The following SLC7A8 variants were observed in gnomAD, a reference collection of about 807,000 sequenced individuals.
SLC7A8 encodes the protein large neutral amino acids transporter small subunit 2.
A neutral mutation model predicts 51.2 loss-of-function variants in SLC7A8; 30 were observed. The observed-to-expected ratio is 0.59, with a 90% CI of 0.44 to 0.80. The LOEUF is 0.80. Among genes scored for constraint, SLC7A8 ranks in the 30% least tolerant of loss-of-function variants. The probability of loss-of-function intolerance (pLI) is 0.00; values close to 1 mark genes in which losing one functional copy is unlikely to be tolerated. For missense variants in SLC7A8, 612 were observed against 674.4 expected, an observed-to-expected ratio of 0.91 and a Z score of 1.03; for synonymous variants, 257 against 275.8, an observed-to-expected ratio of 0.93 and a Z score of 0.67.
chr14:23,153,586 A>G (rs1449502756), intron 3 of SLC7A8, among the ~76,000 whole-genome samples: 1 of 152,224 alleles, frequency 6.6e-6, no homozygotes, highest in African/African-American at 2.4e-5. Context: ...CAAAAGGGGA[A>G]GACTTTCACA....
chr14:23,161,914 G>A lies in SLC7A8; in HGVS notation c.508+3371C>T, dbSNP rs565245251. Reference sequence around the variant, plus strand: ...TACACTCCAGCCTGGGTGACAGAGTGAGACTCCATCTAAAAAAAAAAAAAA... The same window carrying A: ...TACACTCCAGCCTGGGTGACAGAGTAAGACTCCATCTAAAAAAAAAAAAAA... On this transcript the variant is annotated intron_variant, in intron 3 of 10. Coordinates refer to ENST00000316902, the MANE Select transcript of SLC7A8 (RefSeq NM_012244.4). Among the ~76,000 whole-genome samples the A allele has an allele frequency of 9.4e-3, 1,064 of 113,328 alleles. 5 individuals carry two copies. The highest frequency in any genetic ancestry group is 0.013 in the Non-Finnish European group (755 of 57,352). The allele number at this position is 113,328 out of a possible 152,430, so 74.3% of individuals were successfully genotyped here.
intron 7 of SLC7A8, among the ~76,000 whole-genome samples, chr14:23,137,577 C>T (rs1392011247): frequency 6.6e-6 from 1 of 152,194 alleles, no homozygotes; most frequent in Non-Finnish European, 1.5e-5. Context: ...GGACTGCAGC[C>T]AAGATACTGC....
Position 23,165,476 on chromosome 14 carries a change from G to A in SLC7A8, c.357-40C>T, listed in dbSNP as rs756342752. 6.4e-7 allele frequency: 1 copy of A among 1,558,690 alleles called. No individual in the cohort carries two copies. The highest frequency in any genetic ancestry group is 8.6e-7 in the Non-Finnish European group (1 of 1,160,016). On this transcript the variant is annotated intron_variant, in intron 2 of 10. Coordinates refer to ENST00000316902, the MANE Select transcript of SLC7A8 (RefSeq NM_012244.4). The surrounding 1 kb of genome is among the most constrained non-coding windows in gnomAD (Gnocchi z 4.2). The stretch of plus-strand genomic sequence containing the variant: ...GGACATCCGCCGAAAGGCATGGCAG[G>A]GACGCAGAGCCATCAGGGGAGAGCC...
chr14:23,167,298 A>G (rs147956088), intron 1 of SLC7A8, among the ~76,000 whole-genome samples: 119 of 152,338 alleles, frequency 7.8e-4, no homozygotes, highest in African/African-American at 2.7e-3. Flanking sequence ...GACCCTCAAA[A>G]CAACCTTATG....
In SLC7A8 at chr14:23,126,875, G is replaced by A; in HGVS notation, c.*302C>T. 4 of 425,374 alleles carry A rather than the reference G, an allele frequency of 9.4e-6. No individual in the cohort carries two copies. In the Admixed American group the frequency reaches 1.1e-4, roughly 12 times the overall value. The allele number at this position is 425,374 out of a possible 1,614,324, so 26.3% of individuals were successfully genotyped here. A position where few individuals can be genotyped will look rare whatever the true frequency, so the allele number is the denominator to read the frequency against. On this transcript the variant is annotated 3_prime_UTR_variant, in exon 11 of 11. Coordinates refer to ENST00000316902, the MANE Select transcript of SLC7A8 (RefSeq NM_012244.4). Reference sequence around the variant, plus strand: ...CTCCGGTTCCTGAAGAGGCAGCTGAGGGTGTGGCCCGGAGGGAGGTCCTGC... The same window carrying A: ...CTCCGGTTCCTGAAGAGGCAGCTGAAGGTGTGGCCCGGAGGGAGGTCCTGC...
chr14:23,149,200 C>T (rs1222649191), intron 3 of SLC7A8, among the ~76,000 whole-genome samples: 1 of 152,214 alleles, frequency 6.6e-6, no homozygotes, highest in Non-Finnish European at 1.5e-5. Context: ...TAGAGTGTTC[C>T]TATTTCCTCT....
At chr14:23,132,329 G>C (rs2048644778) in intron 7 of SLC7A8, among the ~76,000 whole-genome samples, 1 of 152,114 alleles carries the variant, frequency 6.6e-6, no homozygotes, top group Non-Finnish European at 1.5e-5. Context: ...TAGTCAGAGA[G>C]TAGTTAGTTG....
intron 3 of SLC7A8, among the ~76,000 whole-genome samples, chr14:23,152,798 C>T (rs2048859103): frequency 6.6e-6 from 1 of 152,196 alleles, no homozygotes; most frequent in Admixed American, 6.5e-5. Flanking sequence ...TTTGTGCCTC[C>T]CTCAGGGAGC....
Position 23,139,534 on chromosome 14 carries a change from C to G in SLC7A8, c.802G>C (p.Ala268Pro). ...LVDPYKNLPR[A>P]IFISIPLVTF... ...ACCAGTGGGATGGAGATGAAGATGG[C>G]TCTGGGAAGGTTCCTGTAGAGGGAG... is the stretch of plus-strand genomic sequence containing the variant. The change falls in exon 6 of 11, where the codon GCC (alanine) becomes CCC (proline). Residue 268 changes from alanine (A) to proline (P), a missense_variant. Coordinates refer to ENST00000316902, the MANE Select transcript of SLC7A8 (RefSeq NM_012244.4). 6.2e-7 allele frequency: 1 copy of G among 1,613,748 alleles called. No homozygotes were observed. The highest frequency in any genetic ancestry group is 8.5e-7 in the Non-Finnish European group (1 of 1,179,808).
At position 23,178,607 on chromosome 14, in the gene SLC7A8, CT is replaced by C. The variant is rs574803156; in HGVS notation, c.151+4156del. On this transcript the variant is annotated intron_variant, in intron 1 of 10. Transcript: ENST00000316902. ...GATTCAGAAACATATAAGACACTTG[CT>C]TTTTTTTTTTAAGAGGCAAGGTTTT... Among the ~76,000 whole-genome samples, 1,297 of 144,934 alleles carry C rather than the reference CT, an allele frequency of 8.9e-3. 5 individuals are homozygous for C. Among genetic ancestry groups the C allele is most frequent in the Middle Eastern group, 0.018 (5 of 278 alleles).
intron 3 of SLC7A8, among the ~76,000 whole-genome samples, chr14:23,161,367 C>A (rs2048921008): frequency 6.6e-6 from 1 of 151,930 alleles, no homozygotes; most frequent in African/African-American, 2.4e-5. Flanking sequence ...CATTATACAC[C>A]AATGACCTCT....
intron 5 of SLC7A8, 94 bp from the exon 6 acceptor site, chr14:23,139,641 G>T: frequency 6.9e-7 from 1 of 1,447,094 alleles, no homozygotes; most frequent in Non-Finnish European, 9.3e-7. Context: ...TTCTGCATGC[G>T]TGTAGCCTTA....
At chr14:23,138,181 C>G in intron 6 of SLC7A8, 157 bp from the exon 7 acceptor site, 2 of 837,756 alleles carry the variant, frequency 2.4e-6, no homozygotes, top group Non-Finnish European at 3.6e-6. Flanking sequence ...AAGGGTGGAC[C>G]CCTACACAGG....
rs934679054 is a variant in SLC7A8, at chr14:23,183,598, C to G, written c.-684G>C. ...TGCCCTTGTTTTCCTCTTTTCGATC[C>G]CCGTTCTACTGCACAGCCGGCCCCA... is the stretch of plus-strand genomic sequence containing the variant. On this transcript the variant is annotated 5_prime_UTR_variant, in exon 1 of 11. Coordinates refer to ENST00000316902, the MANE Select transcript of SLC7A8 (RefSeq NM_012244.4). The G allele has an allele frequency of 1.3e-5, 2 of 152,300 alleles. No homozygotes were observed. The highest frequency in any genetic ancestry group is 4.8e-5 in the African/African-American group (2 of 41,384). 9.4% of individuals were successfully genotyped at this position (152,300 alleles called of 1,614,324 possible). A position where few individuals can be genotyped will look rare whatever the true frequency, so the allele number is the denominator to read the frequency against.
intron 3 of SLC7A8, among the ~76,000 whole-genome samples, chr14:23,162,764 A>C (rs929753130): frequency 2.8e-4 from 42 of 152,190 alleles, no homozygotes; most frequent in Admixed American, 8.5e-4. Context: ...TTTGTGCAAG[A>C]GGTCAAACCC....
chr14:23,157,456 G>A (rs1344592538), intron 3 of SLC7A8, among the ~76,000 whole-genome samples: 4 of 152,144 alleles, frequency 2.6e-5, no homozygotes, highest in East Asian at 1.9e-4. Context: ...TGATCATGTC[G>A]GTCTTCTGTC....
Position 23,126,956 on chromosome 14 carries a change from G to C in SLC7A8, c.*221C>G. On this transcript the variant is annotated 3_prime_UTR_variant, in exon 11 of 11. Transcript: ENST00000316902. ...GCAGCTGGGAGTGTGGGCAGCACTG[G>C]AGTGGGGCCTGGGACATGGACCCTG... 3.4e-6 allele frequency: 2 copies of C among 594,840 alleles called. No homozygotes were observed. The highest frequency in any genetic ancestry group is 5.9e-6 in the Non-Finnish European group (2 of 337,730). 36.8% of individuals were successfully genotyped at this position (594,840 alleles called of 1,614,324 possible).
At chr14:23,180,984 G>C (rs192412242) in intron 1 of SLC7A8, among the ~76,000 whole-genome samples, 1 of 152,010 alleles carries the variant, frequency 6.6e-6, no homozygotes, top group African/African-American at 2.4e-5. Context: ...CCGAGATCGC[G>C]CCACTGCACT....
intron 3 of SLC7A8, chr14:23,154,173 T>G: frequency 7.8e-6 from 7 of 895,862 alleles, no homozygotes; most frequent in Non-Finnish European, 9.5e-6. Flanking sequence ...CAGGCACCTT[T>G]CTGGATGGAG....
Sources: allele counts gnomAD v4.1 joint callset (sites outside exome capture counted in the v4.1 genomes callset), GRCh38; gene constraint gnomAD v4.1.1; non-coding constraint Gnocchi (gnomAD v3.1); transcripts MANE v1.5; gene names NCBI Gene and HGNC (gene_info 2026-07-23, HGNC 2026-07-21).